Variants in AFF3 observed in about 807,000 individuals in gnomAD.
The protein encoded by AFF3 is ALF transcription elongation factor 3, also known as AF4/FMR2 family member 3.
In AFF3, 32 loss-of-function variants were observed where a neutral mutation model predicts 129.7. The observed-to-expected ratio is 0.25, with a 90% confidence interval of 0.19 to 0.33. The LOEUF (loss-of-function observed/expected upper bound fraction) is 0.33. Among genes scored for constraint, AFF3 ranks in the 10% least tolerant of loss-of-function variants. The pLI is 1.00. For missense variants in AFF3, 1,373 were observed against 1,592.0 expected (o/e 0.86, Z 2.34); for synonymous variants, 644 against 635.4 (o/e 1.01, Z -0.20).
chr2:99,811,747 T>C (rs1044239149), intron 8 of AFF3, among the ~76,000 whole-genome samples: 26 of 152,186 alleles, frequency 1.7e-4, no homozygotes, highest in African/African-American at 4.6e-4. Flanking sequence ...TTTCTACAGG[T>C]TGAGTCACCA....
At chr2:99,918,411 G>A (rs563523116) in intron 7 of AFF3, among the ~76,000 whole-genome samples, 10 of 152,218 alleles carry the variant, frequency 6.6e-5, no homozygotes, top group African/African-American at 2.2e-4. Flanking sequence ...TAAAAAACAT[G>A]TTCATTACCC....
intron 8 of AFF3, among the ~76,000 whole-genome samples, chr2:99,815,065 C>CT (rs1288630470): frequency 1.3e-5 from 2 of 151,676 alleles, no homozygotes; most frequent in East Asian, 1.9e-4. Context: ...GACTGGAGAA[C>CT]TTTTTTATTA....
chr2:100,043,705 A>G (rs934348451), intron 4 of AFF3, among the ~76,000 whole-genome samples: 1 of 152,192 alleles, frequency 6.6e-6, no homozygotes, highest in Non-Finnish European at 1.5e-5. Context: ...CAAACCATCA[A>G]CTGTGAAATC....
chr2:99,547,846 CATT>C lies in AFF3; in HGVS notation c.*3625_*3627del, dbSNP rs1172651487. Reference sequence around the variant, plus strand: ...CATCACTGTTATATAATACACACATCATTGTTGTACATATGAGGATAAGTTTTA... The same window carrying C: ...CATCACTGTTATATAATACACACATCGTTGTACATATGAGGATAAGTTTTA... On this transcript the variant is annotated 3_prime_UTR_variant, in exon 25 of 25. Transcript: ENST00000672756. The C allele has an allele frequency of 4.7e-6, 1 of 212,098 alleles. No homozygotes were observed. Among genetic ancestry groups the C allele is most frequent in the African/African-American group, 2.3e-5 (1 of 44,230 alleles). 13.1% of individuals were successfully genotyped at this position (212,098 alleles called of 1,614,324 possible). A position where few individuals can be genotyped will look rare whatever the true frequency, so the allele number is the denominator to read the frequency against.
At chr2:99,766,030 C>T (rs1326386503) in intron 8 of AFF3, among the ~76,000 whole-genome samples, 3 of 152,210 alleles carry the variant, frequency 2.0e-5, no homozygotes, top group Non-Finnish European at 2.9e-5. Context: ...ATAGACTACC[C>T]TTGCAGGCAC....
intron 8 of AFF3, among the ~76,000 whole-genome samples, chr2:99,785,047 G>T (rs952226352): frequency 1.3e-5 from 2 of 152,060 alleles, no homozygotes; most frequent in African/African-American, 4.8e-5. Flanking sequence ...GCGATGTTGC[G>T]CCCTCTGAGG....
At chr2:99,754,467 C>T (rs1434335114) in intron 8 of AFF3, among the ~76,000 whole-genome samples, 1 of 152,218 alleles carries the variant, frequency 6.6e-6, no homozygotes, top group Non-Finnish European at 1.5e-5. Flanking sequence ...GTTAACTTTG[C>T]ATACAGACTC....
At chr2:99,926,357 C>T (rs1696239328) in intron 7 of AFF3, among the ~76,000 whole-genome samples, 1 of 152,190 alleles carries the variant, frequency 6.6e-6, no homozygotes, top group Admixed American at 6.5e-5. Context: ...AGCCCGGGGC[C>T]TGTTACCTCC....
At chr2:99,884,359 A>G (rs1034643866) in intron 7 of AFF3, among the ~76,000 whole-genome samples, 2 of 152,098 alleles carry the variant, frequency 1.3e-5, no homozygotes, top group African/African-American at 4.8e-5. Context: ...TGATATATAC[A>G]TTGCTATTAA....
chr2:99,946,493 A>AAAAAAG (rs1675585978), intron 7 of AFF3, among the ~76,000 whole-genome samples: 1 of 126,650 alleles, frequency 7.9e-6, no homozygotes, highest in Non-Finnish European at 1.7e-5. Context: ...AAAAAAAAAA[A>AAAAAAG]AAAAAAAAAA....
At chr2:99,738,464 TTC>T (rs3073371) in intron 10 of AFF3, among the ~76,000 whole-genome samples, 111,503 of 151,854 alleles carry the variant, frequency 0.73, 41,814 homozygotes, top group East Asian at 0.92. Context: ...TACCAATCTG[TTC>T]TCTTTTTATT....
intron 12 of AFF3, among the ~76,000 whole-genome samples, chr2:99,672,175 TTCTCACACACACACACACACACAC>T (rs1215602522): frequency 5.7e-5 from 8 of 139,512 alleles, no homozygotes; most frequent in Non-Finnish European, 1.2e-4. Context: ...GCCAGTTAGC[TTCTCACACACACACACACACACAC>T]ACACACACAC....
At chr2:99,898,802 C>T (rs1463623456) in intron 7 of AFF3, among the ~76,000 whole-genome samples, 1 of 152,192 alleles carries the variant, frequency 6.6e-6, no homozygotes, top group Non-Finnish European at 1.5e-5. Flanking sequence ...TAAGACAGTC[C>T]CCACTGCCTT....
intron 7 of AFF3, among the ~76,000 whole-genome samples, chr2:99,937,111 G>T (rs912479597): frequency 2.0e-5 from 3 of 151,932 alleles, no homozygotes; most frequent in South Asian, 2.1e-4. Flanking sequence ...ATTTTTTTTT[G>T]AATATTTGCA....
At chr2:100,025,356 C>G (rs1683951178) in intron 4 of AFF3, among the ~76,000 whole-genome samples, 1 of 152,056 alleles carries the variant, frequency 6.6e-6, no homozygotes, top group Non-Finnish European at 1.5e-5. Context: ...GGCTAAAGAC[C>G]TCTACAAGGA....
At chr2:99,594,743 AC>A (rs1304967751) in intron 14 of AFF3, among the ~76,000 whole-genome samples, 59 of 152,290 alleles carry the variant, frequency 3.9e-4, no homozygotes, top group African/African-American at 1.4e-3. Flanking sequence ...ACTAAGTGGA[AC>A]CTACAATCCC....
rs1695277610 is a variant in AFF3 at position 99,913,951 on chromosome 2, G to A, written c.874-76427C>T. On this transcript the variant is annotated intron_variant, in intron 7 of 24. Coordinates refer to ENST00000672756, the MANE Select transcript of AFF3 (RefSeq NM_001386135.1). ...TATAGAGGAATGCCAAGTAATAAAT[G>A]TAGAAATAATGATGCATTTCTAGAA... Among the ~76,000 whole-genome samples the A allele has an allele frequency of 2.0e-5, 3 of 152,180 alleles. No homozygotes were observed. In the South Asian group the frequency reaches 6.2e-4, roughly 32 times the overall value.
At chr2:99,894,482 T>C (rs1188891437) in intron 7 of AFF3, among the ~76,000 whole-genome samples, 1 of 151,796 alleles carries the variant, frequency 6.6e-6, no homozygotes, top group Non-Finnish European at 1.5e-5. Context: ...TTTTTTTTTT[T>C]TTTTGAGACG....
intron 7 of AFF3, among the ~76,000 whole-genome samples, chr2:99,927,280 G>T (rs545569221): frequency 1.3e-5 from 2 of 152,282 alleles, no homozygotes. Context: ...ATGCACACAT[G>T]TGTCCATTGC....
Sources: gnomAD v4.1 joint callset for allele counts (sites outside exome capture counted in the v4.1 genomes callset) on GRCh38, gnomAD v4.1.1 for gene constraint, MANE v1.5 for transcripts, NCBI Gene and HGNC (gene_info 2026-07-23, HGNC 2026-07-21) for gene names.